Variants in CLCN3 observed in about 807,000 individuals in gnomAD.
CLCN3 encodes the protein H(+)/Cl(-) exchange transporter 3.
A neutral mutation model predicts 83.4 loss-of-function variants in CLCN3; 16 were observed. That is an observed-to-expected ratio of 0.19 (90% CI 0.13 to 0.29). CLCN3 has a LOEUF of 0.29. CLCN3 is among the 10% of genes least tolerant of loss of function. CLCN3 has a pLI of 1.00. For missense variants in CLCN3, 544 were observed against 1,006.0 expected, an observed-to-expected ratio of 0.54 and a Z score of 6.21; for synonymous variants, 322 against 346.2, an observed-to-expected ratio of 0.93 and a Z score of 0.78.
chr4:169,685,769 C>T (rs1435234833), intron 3 of CLCN3, among the ~76,000 whole-genome samples: 6 of 150,602 alleles, frequency 4.0e-5, no homozygotes, highest in South Asian at 2.1e-4. Flanking sequence ...AGCCTGAAAA[C>T]GGCTTAATAT....
At position 169,720,047 on chromosome 4, in the gene CLCN3, G is replaced by C; in HGVS notation, c.*50G>C. ...AAACGGAAGAGGAAGTTTATTTGTTGAATAGCACAACTCTTTAACCTGAGG... is the reference window on the plus strand; with the variant it reads ...AAACGGAAGAGGAAGTTTATTTGTTCAATAGCACAACTCTTTAACCTGAGG... On this transcript the variant is annotated 3_prime_UTR_variant, in exon 13 of 13. Coordinates refer to ENST00000513761, the MANE Select transcript of CLCN3 (RefSeq NM_001829.4). 6.2e-7 allele frequency: 1 copy of C among 1,611,802 alleles called. No individual in the cohort carries two copies. The highest frequency in any genetic ancestry group is 8.5e-7 in the Non-Finnish European group (1 of 1,179,044).
chr4:169,686,930 A>G (rs773571131), intron 3 of CLCN3, among the ~76,000 whole-genome samples: 5 of 152,206 alleles, frequency 3.3e-5, no homozygotes, highest in Admixed American at 6.5e-5. Context: ...CTTACACAGT[A>G]AAGAAAGAGC....
In CLCN3 at chr4:169,701,853, C is replaced by T. The variant is rs571843707; in HGVS notation, c.1564-2145C>T. On this transcript the variant is annotated intron_variant, in intron 9 of 12. Transcript: ENST00000513761. ...ACTTCTGGCATCTTGCATCCCTATT[C>T]CATTGATTCTTCTTTTGGGGTGAGT... Among the ~76,000 whole-genome samples, 3 of 152,248 alleles carry T rather than the reference C, an allele frequency of 2.0e-5. No individual in the cohort carries two copies. The South Asian group carries it at 6.2e-4, about 32-fold the overall frequency.
intron 2 of CLCN3, among the ~76,000 whole-genome samples, chr4:169,676,915 C>A (rs1731703509): frequency 6.6e-6 from 1 of 151,938 alleles, no homozygotes; most frequent in Non-Finnish European, 1.5e-5. Flanking sequence ...AGCTATAATT[C>A]TCATTGTGAA....
At chr4:169,691,967 G>T in intron 6 of CLCN3, 147 bp from the exon 7 acceptor site, 1 of 555,600 alleles carries the variant, frequency 1.8e-6, no homozygotes, top group South Asian at 2.3e-5. Flanking sequence ...AATAGGCAAA[G>T]TTTTCGAAAA....
chr4:169,637,440 G>T (rs1730247291), intron 2 of CLCN3, among the ~76,000 whole-genome samples: 1 of 151,996 alleles, frequency 6.6e-6, no homozygotes, highest in East Asian at 1.9e-4. Flanking sequence ...ATTGCTCGAG[G>T]CCAGGAGTTT....
At chr4:169,717,705 A>AT in intron 12 of CLCN3, 1 of 825,480 alleles carries the variant, frequency 1.2e-6, no homozygotes. Context: ...TCATGTTTTT[A>AT]TTTTTTCTCT....
chr4:169,679,077 G>A (rs1260973603), intron 2 of CLCN3, among the ~76,000 whole-genome samples: 14 of 151,838 alleles, frequency 9.2e-5, no homozygotes, highest in Non-Finnish European at 1.6e-4. Flanking sequence ...GGGCGGAGAC[G>A]CTCCTCACTT....
At chr4:169,713,950 G>A (rs1279178153) in intron 12 of CLCN3, among the ~76,000 whole-genome samples, 2 of 152,066 alleles carry the variant, frequency 1.3e-5, no homozygotes, top group Non-Finnish European at 2.9e-5. Flanking sequence ...CACATGAACT[G>A]CCAGTGTTTC....
chr4:169,668,817 C>T lies in CLCN3; in HGVS notation c.161-11233C>T, dbSNP rs138732096. ...ATCCAAGAGCTGGATATTTAGGTAG[C>T]AGAAACTATGGAATTATCCTAAGTC... On this transcript the variant is annotated intron_variant, in intron 2 of 12. Coordinates refer to ENST00000513761, the MANE Select transcript of CLCN3 (RefSeq NM_001829.4). Among the ~76,000 whole-genome samples the T allele has an allele frequency of 8.6e-5, 13 of 151,714 alleles. No individual in the cohort carries two copies. The East Asian group carries it at 2.1e-3, about 25-fold the overall frequency.
chr4:169,622,871 T>C (rs1255645494), intron 1 of CLCN3, among the ~76,000 whole-genome samples: 1 of 152,190 alleles, frequency 6.6e-6, no homozygotes, highest in East Asian at 1.9e-4. Context: ...ATAAAAGCAA[T>C]GTAAAATTAC....
At chr4:169,701,533 C>T (rs531291745) in intron 9 of CLCN3, among the ~76,000 whole-genome samples, 14 of 152,126 alleles carry the variant, frequency 9.2e-5, no homozygotes, top group East Asian at 3.9e-4. Flanking sequence ...TTATTTTGCC[C>T]GGATCAATCA....
At chr4:169,645,027 C>T (rs558128151) in intron 2 of CLCN3, among the ~76,000 whole-genome samples, 2 of 152,258 alleles carry the variant, frequency 1.3e-5, no homozygotes, top group African/African-American at 4.8e-5. Context: ...CTTCTGGTCT[C>T]CAGAACTATA....
rs927959755 is a variant in CLCN3 at position 169,697,206 on chromosome 4, T to C, written c.1035T>C (p.Pro345=). The change falls in exon 9 of 13, where the codon CCT becomes CCC. Residue 345 remains proline (P), a synonymous_variant. Coordinates refer to ENST00000513761, the MANE Select transcript of CLCN3 (RefSeq NM_001829.4). ...TTTTTTAGGTTAGCTATTATTTTCCTCTCAAAACTTTATGGAGATCATTTT... is the reference window on the plus strand; with the variant it reads ...TTTTTTAGGTTAGCTATTATTTTCCCCTCAAAACTTTATGGAGATCATTTT... ...FSLEEVSYYF[P]LKTLWRSFFA... The C allele has an allele frequency of 1.3e-6, 2 of 1,576,402 alleles. No homozygotes were observed. The highest frequency in any genetic ancestry group is 1.4e-5 in the African/African-American group (1 of 72,542).
chr4:169,684,524 C>T (rs776543506), intron 3 of CLCN3, among the ~76,000 whole-genome samples: 17 of 152,222 alleles, frequency 1.1e-4, no homozygotes, highest in Non-Finnish European at 2.2e-4. Flanking sequence ...CTGTGTCCTT[C>T]GTCATGTCCT....
At chr4:169,653,254 G>T (rs1052234271) in intron 2 of CLCN3, among the ~76,000 whole-genome samples, 2 of 152,074 alleles carry the variant, frequency 1.3e-5, no homozygotes, top group African/African-American at 4.8e-5. Context: ...GTGTGTATGT[G>T]TTAGAGTGTA....
intron 3 of CLCN3, 32 bp downstream of exon 3, chr4:169,680,239 A>G (rs1731883773): frequency 6.7e-7 from 1 of 1,485,464 alleles, no homozygotes; most frequent in Non-Finnish European, 9.3e-7. Context: ...TTTTAAAAAC[A>G]TAGTGCATAA....
intron 11 of CLCN3, among the ~76,000 whole-genome samples, chr4:169,711,108 CAACTT>C (rs746938721): frequency 6.6e-6 from 1 of 152,194 alleles, no homozygotes. Context: ...TTTCTTATAA[CAACTT>C]AACTTCAGTT....
At chr4:169,697,793 G>A in intron 9 of CLCN3, 59 bp downstream of exon 9, 5 of 1,084,702 alleles carry the variant, frequency 4.6e-6, no homozygotes, top group South Asian at 3.1e-5. Flanking sequence ...ACTTATATGT[G>A]GAATGAGAGA....
Sources: allele counts gnomAD v4.1 joint callset (sites outside exome capture counted in the v4.1 genomes callset), GRCh38; gene constraint gnomAD v4.1.1; transcripts MANE v1.5; gene names NCBI Gene and HGNC (gene_info 2026-07-23, HGNC 2026-07-21).